RNF212B: variants seen among roughly 807,000 people sequenced by gnomAD.
RNF212B encodes the protein ring finger protein 212B.
RNF212B carries 52 observed loss-of-function variants against 55.5 expected under a neutral mutation model. That is an observed-to-expected ratio of 0.94 (90% CI 0.75 to 1.18). RNF212B has a LOEUF of 1.18. RNF212B is among the 50% of genes most tolerant of loss of function. The pLI is 0.00. For missense variants in RNF212B, 289 were observed against 350.4 expected, an observed-to-expected ratio of 0.82 and a Z score of 1.40; for synonymous variants, 99 against 121.4, an observed-to-expected ratio of 0.82 and a Z score of 1.21.
At chr14:23,204,524 A>C (rs1442237401) in intron 2 of RNF212B, among the ~76,000 whole-genome samples, 3 of 152,322 alleles carry the variant, frequency 2.0e-5, no homozygotes, top group African/African-American at 7.2e-5. Context: ...GTCAAAGCTC[A>C]GTTGGCTGTA....
At chr14:23,199,481 G>T (rs973396060) in intron 2 of RNF212B, among the ~76,000 whole-genome samples, 3 of 152,120 alleles carry the variant, frequency 2.0e-5, no homozygotes, top group African/African-American at 7.2e-5. Context: ...ATTCCCTTTA[G>T]CTTAGTGATT....
chr14:23,258,711 T>TCG, intron 5 of RNF212B, 47 bp downstream of exon 5: 1 of 715,888 alleles, frequency 1.4e-6, no homozygotes, highest in Non-Finnish European at 2.1e-6. Context: ...TTTTTTTTTT[T>TCG]TCTAAGAAGT....
chr14:23,265,987 T>C (rs554375755), intron 11 of RNF212B, among the ~76,000 whole-genome samples: 1 of 152,224 alleles, frequency 6.6e-6, no homozygotes, highest in South Asian at 2.1e-4. Context: ...TCATTTGTGT[T>C]TTTTTTTGAG....
chr14:23,253,905 G>A (rs1358836060), intron 4 of RNF212B, among the ~76,000 whole-genome samples: 1 of 152,172 alleles, frequency 6.6e-6, no homozygotes, highest in Non-Finnish European at 1.5e-5. Context: ...CTAAAACTTA[G>A]TGACTTATTT....
chr14:23,262,265 G>T (rs1315859240), intron 7 of RNF212B, among the ~76,000 whole-genome samples: 3 of 151,868 alleles, frequency 2.0e-5, no homozygotes, highest in Admixed American at 2.0e-4. Flanking sequence ...ATATATGCTT[G>T]TTGGATGGCA....
intron 9 of RNF212B, among the ~76,000 whole-genome samples, chr14:23,263,917 G>A (rs775378146): frequency 6.6e-6 from 1 of 152,074 alleles, no homozygotes; most frequent in Non-Finnish European, 1.5e-5. Flanking sequence ...GTGAAACCCT[G>A]TCTCTACTAA....
At chr14:23,230,640 C>G (rs949504498) in intron 2 of RNF212B, among the ~76,000 whole-genome samples, 2 of 108,928 alleles carry the variant, frequency 1.8e-5, no homozygotes, top group Non-Finnish European at 3.3e-5. Flanking sequence ...GACGACAGAG[C>G]GAGACTCCAT....
At chr14:23,238,737 AAATAATAATAATAATAAT>A (rs34688858) in intron 1 of RNF212B, among the ~76,000 whole-genome samples, 2,676 of 136,236 alleles carry the variant, frequency 0.02, 58 homozygotes, top group Admixed American at 0.025. Context: ...CCCTGTCTCA[AAATAATAATAATAATAAT>A]AATAATAATA....
At position 23,197,500 on chromosome 14, in the gene RNF212B, C is replaced by T. The variant is rs1356800890; in HGVS notation, c.-2+4099C>T. Reference sequence around the variant, plus strand: ...TGAGATCATGCCACTGCACTCCAGCCTGGCAACAGAGCGAGACTCCATCTC... The same window carrying T: ...TGAGATCATGCCACTGCACTCCAGCTTGGCAACAGAGCGAGACTCCATCTC... On this transcript the variant is annotated intron_variant, in intron 2 of 15. Transcript: ENST00000399910. Among the ~76,000 whole-genome samples the T allele has an allele frequency of 2.6e-5, 4 of 152,102 alleles. No individual in the cohort carries two copies. The East Asian group carries it at 7.7e-4, about 29-fold the overall frequency.
At chr14:23,215,286 C>T (rs1001922697) in intron 2 of RNF212B, among the ~76,000 whole-genome samples, 1 of 152,302 alleles carries the variant, frequency 6.6e-6, no homozygotes. Context: ...CCGTGCAGAA[C>T]TGTGAGTCAA....
At chr14:23,185,749 T>G (rs1032569367) in intron 1 of RNF212B, among the ~76,000 whole-genome samples, 19 of 152,206 alleles carry the variant, frequency 1.2e-4, no homozygotes, top group Non-Finnish European at 2.9e-5. Flanking sequence ...TTTCTATTTC[T>G]TTAGCACTTG....
chr14:23,219,473 T>C (rs577548730), intron 2 of RNF212B, among the ~76,000 whole-genome samples: 1 of 147,974 alleles, frequency 6.8e-6, no homozygotes, highest in Admixed American at 6.7e-5. Context: ...TTCTTCTCCT[T>C]CTAGTTTTTT....
chr14:23,251,703 C>G (rs532175336), intron 4 of RNF212B, among the ~76,000 whole-genome samples: 1 of 151,934 alleles, frequency 6.6e-6, no homozygotes, highest in South Asian at 2.1e-4. Flanking sequence ...GTAATCCCAG[C>G]TACTCTGGAG....
At position 23,226,826 on chromosome 14, in the gene RNF212B, T is replaced by TTTTTTTA. The variant is rs1555313758; in HGVS notation, c.-1-13519_-1-13518insTTTTTTA. Among the ~76,000 whole-genome samples, 23 of 145,192 alleles carry TTTTTTTA rather than the reference T, an allele frequency of 1.6e-4. 1 individual carries two copies. Among genetic ancestry groups the TTTTTTTA allele is most frequent in the African/African-American group, 5.6e-4 (22 of 39,208 alleles). On this transcript the variant is annotated intron_variant, in intron 2 of 15. Transcript: ENST00000399910. ...TTCTTCTTCTTCTTTTTTTTTTTTT[T>TTTTTTTA]AATAGAGAGGAGGTCTATGTTGCTC...
At chr14:23,240,148 G>A (rs553611589) in intron 1 of RNF212B, among the ~76,000 whole-genome samples, 197 bp from the exon 2 acceptor site, 1 of 151,450 alleles carries the variant, frequency 6.6e-6, no homozygotes, top group East Asian at 1.9e-4. Context: ...ACAACCTGCT[G>A]TTATAAAAAG....
At chr14:23,258,492 A>C (rs925753212) in intron 4 of RNF212B, 57 bp from the exon 5 acceptor site, 8 of 768,808 alleles carry the variant, frequency 1.0e-5, no homozygotes, top group Non-Finnish European at 1.5e-5. Context: ...TTCTTGCCAG[A>C]AGTGAAGGGA....
chr14:23,216,904 A>AAAAAAAC (rs1881133757), intron 2 of RNF212B, among the ~76,000 whole-genome samples: 1 of 150,890 alleles, frequency 6.6e-6, no homozygotes, highest in Non-Finnish European at 1.5e-5. Context: ...AAAAAAAAAA[A>AAAAAAAC]GACCAATCTC....
intron 2 of RNF212B, among the ~76,000 whole-genome samples, chr14:23,200,770 T>C (rs1879211773): frequency 6.6e-6 from 1 of 152,192 alleles, no homozygotes; most frequent in African/African-American, 2.4e-5. Context: ...CCAAGGGCTT[T>C]ATTGGCTTCT....
Position 23,230,515 on chromosome 14 carries a change from G to A in RNF212B, c.-1-9830G>A, listed in dbSNP as rs531909162. ...TAAAAATACAAAAAATTAGCCGGGTGTGGTGGCGGGGGCCTGTAGTCCCAG... is the reference window on the plus strand; with the variant it reads ...TAAAAATACAAAAAATTAGCCGGGTATGGTGGCGGGGGCCTGTAGTCCCAG... On this transcript the variant is annotated intron_variant, in intron 2 of 15. Coordinates refer to the RNF212B transcript ENST00000399910. Among the ~76,000 whole-genome samples the A allele has an allele frequency of 2.1e-3, 315 of 152,084 alleles. 1 individual carries two copies. The highest frequency in any genetic ancestry group is 3.7e-3 in the Admixed American group (57 of 15,280).
Sources: allele counts gnomAD v4.1 joint callset (sites outside exome capture counted in the v4.1 genomes callset), GRCh38; gene constraint gnomAD v4.1.1; transcripts MANE v1.5; gene names NCBI Gene and HGNC (gene_info 2026-07-23, HGNC 2026-07-21).